The following ELAPOR2 variants were observed in gnomAD, a reference collection of about 807,000 sequenced individuals.
ELAPOR2 encodes endosome/lysosome-associated apoptosis and autophagy regulator family member 2.
Under a neutral mutation model 120.7 loss-of-function variants are expected in ELAPOR2, and 89 were observed. That is an observed-to-expected ratio of 0.74 (90% CI 0.62 to 0.88). The LOEUF is 0.88. Among genes scored for constraint, ELAPOR2 ranks in the 40% least tolerant of loss-of-function variants. ELAPOR2 has a pLI of 0.00. For synonymous variants in ELAPOR2, 444 were observed against 444.9 expected (o/e 1.00, Z 0.03); for missense variants, 1,134 against 1,251.6 (o/e 0.91, Z 1.42).
chr7:86,980,092 A>T (rs1009399915), intron 1 of ELAPOR2, among the ~76,000 whole-genome samples: 1 of 152,264 alleles, frequency 6.6e-6, no homozygotes, highest in African/African-American at 2.4e-5. Flanking sequence ...ATACAAAATT[A>T]AGTGGATACA....
chr7:86,994,009 G>T (rs1209278797), intron 1 of ELAPOR2, among the ~76,000 whole-genome samples: 1 of 152,148 alleles, frequency 6.6e-6, no homozygotes, highest in African/African-American at 2.4e-5. Flanking sequence ...CTATGCCACT[G>T]ACATCATTCC....
chr7:87,047,433 C>T (rs1362962372), intron 1 of ELAPOR2, among the ~76,000 whole-genome samples: 1 of 152,074 alleles, frequency 6.6e-6, no homozygotes, highest in East Asian at 1.9e-4. Flanking sequence ...TTGCATCTGA[C>T]AAGGGATTAC....
intron 1 of ELAPOR2, among the ~76,000 whole-genome samples, chr7:86,973,679 A>G (rs1444700185): frequency 1.3e-5 from 2 of 152,198 alleles, no homozygotes; most frequent in Non-Finnish European, 2.9e-5. Context: ...AACCTCACAA[A>G]GGACCTGGAA....
At chr7:86,897,200 A>G (rs1222814051) in intron 19 of ELAPOR2, among the ~76,000 whole-genome samples, 2 of 152,018 alleles carry the variant, frequency 1.3e-5, no homozygotes, top group African/African-American at 4.8e-5. Context: ...CCCCATCTTA[A>G]TTACACCTAT....
At chr7:86,989,410 A>G (rs996481757) in intron 1 of ELAPOR2, among the ~76,000 whole-genome samples, 7 of 152,206 alleles carry the variant, frequency 4.6e-5, no homozygotes, top group African/African-American at 1.7e-4. Flanking sequence ...ATAGACTGCT[A>G]TTGCTTCTCC....
intron 5 of ELAPOR2, among the ~76,000 whole-genome samples, chr7:86,941,614 T>C (rs1408438053): frequency 2.0e-5 from 3 of 151,998 alleles, no homozygotes; most frequent in Non-Finnish European, 4.4e-5. Flanking sequence ...ATCCTTCCAA[T>C]GAAAAGAGCC....
At chr7:86,978,279 C>T (rs1767718) in intron 1 of ELAPOR2, among the ~76,000 whole-genome samples, 51,034 of 152,052 alleles carry the variant, frequency 0.34, 9,660 homozygotes, top group African/African-American at 0.51. Flanking sequence ...CCATGTGGAA[C>T]TGTGAATCAA....
intron 5 of ELAPOR2, chr7:86,941,277 T>C (rs999418414): frequency 1.9e-6 from 1 of 523,174 alleles, no homozygotes; most frequent in Non-Finnish European, 3.9e-6. Context: ...AAACCGGAGT[T>C]AGATATTAAA....
chr7:87,046,439 A>G (rs539010494), intron 1 of ELAPOR2, among the ~76,000 whole-genome samples: 12 of 152,254 alleles, frequency 7.9e-5, no homozygotes, highest in Non-Finnish European at 1.6e-4. Flanking sequence ...AAGAAATAGA[A>G]AAACAATACT....
At chr7:87,048,965 T>C (rs577789866) in intron 1 of ELAPOR2, among the ~76,000 whole-genome samples, 1 of 152,344 alleles carries the variant, frequency 6.6e-6, no homozygotes, top group Admixed American at 6.5e-5. Flanking sequence ...TTTTTGATCA[T>C]AACAAACATT....
intron 1 of ELAPOR2, among the ~76,000 whole-genome samples, chr7:87,030,524 TAA>T (rs1370154517): frequency 6.6e-6 from 1 of 152,170 alleles, no homozygotes; most frequent in Non-Finnish European, 1.5e-5. Context: ...TAAACTGAAT[TAA>T]GTTTGGCCTA....
At chr7:86,882,529 G>A (rs1799460915) in intron 21 of ELAPOR2, among the ~76,000 whole-genome samples, 1 of 152,112 alleles carries the variant, frequency 6.6e-6, no homozygotes, top group Non-Finnish European at 1.5e-5. Context: ...ATGGGATTGT[G>A]CTCCTATTGC....
At chr7:87,027,357 G>A (rs1408549242) in intron 1 of ELAPOR2, among the ~76,000 whole-genome samples, 2 of 152,038 alleles carry the variant, frequency 1.3e-5, no homozygotes, top group African/African-American at 4.8e-5. Flanking sequence ...TGACACATAC[G>A]ACTGGATTGA....
chr7:86,945,768 G>C (rs939443003), intron 3 of ELAPOR2, among the ~76,000 whole-genome samples: 2 of 152,048 alleles, frequency 1.3e-5, no homozygotes, highest in Non-Finnish European at 2.9e-5. Flanking sequence ...GGTTAGCAAA[G>C]ATATCCTAAC....
chr7:87,041,764 T>C (rs2129015789), intron 1 of ELAPOR2, among the ~76,000 whole-genome samples: 1 of 151,504 alleles, frequency 6.6e-6, no homozygotes, highest in East Asian at 1.9e-4. Flanking sequence ...CATAACAATA[T>C]TAACTTTAAA....
chr7:86,987,417 G>T (rs533244372), intron 1 of ELAPOR2, among the ~76,000 whole-genome samples: 1 of 152,242 alleles, frequency 6.6e-6, no homozygotes, highest in African/African-American at 2.4e-5. Context: ...GCACCCTACA[G>T]ACTGGGAGAA....
chr7:86,923,050 T>A (rs1282044034), intron 10 of ELAPOR2, among the ~76,000 whole-genome samples: 1 of 152,004 alleles, frequency 6.6e-6, no homozygotes. Context: ...TGTATACTTT[T>A]AAAATATATA....
chr7:86,953,118 C>G (rs1028106772), intron 2 of ELAPOR2, among the ~76,000 whole-genome samples: 55 of 149,060 alleles, frequency 3.7e-4, no homozygotes, highest in African/African-American at 1.4e-3. Flanking sequence ...AAAACCCACA[C>G]AATTATTGAT....
At chr7:86,963,912 T>C (rs1447765772) in intron 2 of ELAPOR2, among the ~76,000 whole-genome samples, 2 of 152,212 alleles carry the variant, frequency 1.3e-5, no homozygotes. Context: ...CTGAATTCAC[T>C]CATTAATATC....
Sources: allele counts gnomAD v4.1 joint callset (sites outside exome capture counted in the v4.1 genomes callset), GRCh38; gene constraint gnomAD v4.1.1; transcripts MANE v1.5; gene names NCBI Gene and HGNC (gene_info 2026-07-23, HGNC 2026-07-21).